GNA14: variants seen among roughly 807,000 people sequenced by gnomAD.
The protein encoded by GNA14 is G protein subunit alpha 14, also known as guanine nucleotide-binding protein subunit alpha-14.
In GNA14, 50 loss-of-function variants were observed where a neutral mutation model predicts 42.0. The ratio of observed to expected loss-of-function variants is 1.19; its 90% CI spans 0.95 to 1.51. The LOEUF (loss-of-function observed/expected upper bound fraction) is 1.51, where lower values mean the gene tolerates loss of function less well. GNA14 is among the 40% of genes most tolerant of loss of function. The pLI is 0.00. For missense variants in GNA14, 473 were observed against 446.2 expected, an observed-to-expected ratio of 1.06 and a Z score of -0.54; for synonymous variants, 173 against 163.1, an observed-to-expected ratio of 1.06 and a Z score of -0.46.
In GNA14 at chr9:77,623,921, C is replaced by A. The variant is rs933563803; in HGVS notation, c.124+23749G>T. 1.1e-4 allele frequency among the ~76,000 whole-genome samples: 16 copies of A among 152,238 alleles called. No individual in the cohort carries two copies. The South Asian group carries it at 2.3e-3, about 22-fold the overall frequency. ...GCCTGGAACGCCAGCGGCACAGAAC[C>A]GTTCACTCCCCTGGAAAAGGGGCTG... On this transcript the variant is annotated intron_variant, in intron 1 of 6. Transcript: ENST00000341700.
At position 77,533,551 on chromosome 9, in the gene GNA14, G is replaced by A. The variant is rs573047850; in HGVS notation, c.125-4298C>T. Reference sequence around the variant, plus strand: ...AACTGTCCTTTGTCATAAAATCAGCGGCAAGCTTCTGGGGAAGGCACCCTG... The same window carrying A: ...AACTGTCCTTTGTCATAAAATCAGCAGCAAGCTTCTGGGGAAGGCACCCTG... On this transcript the variant is annotated intron_variant, in intron 1 of 6. Coordinates refer to ENST00000341700, the MANE Select transcript of GNA14 (RefSeq NM_004297.4). 1.1e-4 allele frequency among the ~76,000 whole-genome samples: 17 copies of A among 152,232 alleles called. No individual in the cohort carries two copies. In the South Asian group the frequency reaches 2.9e-3, roughly 26 times the overall value.
At chr9:77,484,702 C>T (rs1425616157) in intron 2 of GNA14, among the ~76,000 whole-genome samples, 1 of 152,026 alleles carries the variant, frequency 6.6e-6, no homozygotes, top group Non-Finnish European at 1.5e-5. Context: ...GTACCAAGCC[C>T]TATATATACT....
chr9:77,627,910 A>G (rs59293577), intron 1 of GNA14, among the ~76,000 whole-genome samples: 1 of 152,156 alleles, frequency 6.6e-6, no homozygotes, highest in South Asian at 2.1e-4. Flanking sequence ...GGCAAGAGAA[A>G]GAAAAAAAGG....
chr9:77,638,848 A>C (rs1824218327), intron 1 of GNA14, among the ~76,000 whole-genome samples: 1 of 152,210 alleles, frequency 6.6e-6, no homozygotes, highest in Non-Finnish European at 1.5e-5. Flanking sequence ...CAAATGTTTA[A>C]CACCAGAGAC....
chr9:77,640,957 C>T (rs760184676), intron 1 of GNA14, among the ~76,000 whole-genome samples: 11 of 145,102 alleles, frequency 7.6e-5, no homozygotes, highest in Non-Finnish European at 1.3e-4. Flanking sequence ...TTGCACAAGT[C>T]GGGTATGATT....
rs185269335 is a variant in GNA14, at chr9:77,441,240, T to C, written c.310-6718A>G. Among the ~76,000 whole-genome samples the C allele has an allele frequency of 2.0e-5, 3 of 152,288 alleles. No homozygotes were observed. In the East Asian group the frequency reaches 5.8e-4, roughly 29 times the overall value. ...GACCTGGTGGGAGGTGATTGGATGA[T>C]GGGGGCGGTTTCTCCCATGCTGTTC... On this transcript the variant is annotated intron_variant, in intron 2 of 6. Transcript: ENST00000341700.
intron 1 of GNA14, among the ~76,000 whole-genome samples, chr9:77,577,354 G>C (rs1823144532): frequency 6.6e-6 from 1 of 152,138 alleles, no homozygotes; most frequent in African/African-American, 2.4e-5. Flanking sequence ...TGAAAGTTCA[G>C]AGCTTTACCA....
intron 2 of GNA14, among the ~76,000 whole-genome samples, chr9:77,464,351 A>ATG (rs35743834): frequency 0.031 from 4,467 of 144,688 alleles, 67 homozygotes; most frequent in African/African-American, 0.042. Context: ...GTGTGTGTAT[A>ATG]TGTGTGTGTG....
intron 5 of GNA14, among the ~76,000 whole-genome samples, chr9:77,426,611 G>C (rs1259617962): frequency 1.3e-5 from 2 of 152,180 alleles, no homozygotes; most frequent in African/African-American, 4.8e-5. Context: ...GCCTTGTTTA[G>C]AACATTCAAA....
chr9:77,440,788 T>C (rs1054407996), intron 2 of GNA14, among the ~76,000 whole-genome samples: 1 of 152,168 alleles, frequency 6.6e-6, no homozygotes, highest in African/African-American at 2.4e-5. Flanking sequence ...CAATCTCGGT[T>C]CACTGCAACC....
chr9:77,584,684 C>G (rs546556458), intron 1 of GNA14, among the ~76,000 whole-genome samples: 1 of 152,012 alleles, frequency 6.6e-6, no homozygotes, highest in Non-Finnish European at 1.5e-5. Context: ...AGGGTGAGTC[C>G]GTAGAGTAAA....
chr9:77,466,023 C>T (rs1269465814), intron 2 of GNA14, among the ~76,000 whole-genome samples: 2 of 152,118 alleles, frequency 1.3e-5, no homozygotes, highest in Non-Finnish European at 2.9e-5. Flanking sequence ...TATCTCTTGC[C>T]TCTTTCAAGA....
intron 2 of GNA14, among the ~76,000 whole-genome samples, chr9:77,435,306 G>A (rs1014566092): frequency 6.6e-5 from 10 of 151,966 alleles, no homozygotes; most frequent in Admixed American, 2.6e-4. Context: ...GCAGTGAGCC[G>A]AGATGGTGCC....
At chr9:77,545,452 G>A (rs1197572695) in intron 1 of GNA14, among the ~76,000 whole-genome samples, 1 of 152,126 alleles carries the variant, frequency 6.6e-6, no homozygotes, top group African/African-American at 2.4e-5. Flanking sequence ...TATGCAAATA[G>A]GTATACATTA....
chr9:77,529,026 G>A, intron 2 of GNA14, 43 bp downstream of exon 2: 3 of 1,510,832 alleles, frequency 2.0e-6, no homozygotes, highest in Non-Finnish European at 9.2e-7. Context: ...GAGTGGGCAG[G>A]CATACATTCA....
chr9:77,641,839 C>T lies in GNA14; in HGVS notation c.124+5831G>A, dbSNP rs118037546. ...GTACAGACCTTTCATAAGTGTACTG[C>T]GCTTATGTAAGAGATTATCCCTATT... On this transcript the variant is annotated intron_variant, in intron 1 of 6. Transcript: ENST00000341700. 1.0e-3 allele frequency among the ~76,000 whole-genome samples: 156 copies of T among 152,002 alleles called. 6 individuals are homozygous for T. The South Asian group carries it at 0.019, about 18-fold the overall frequency.
At chr9:77,588,695 G>T (rs1345434744) in intron 1 of GNA14, among the ~76,000 whole-genome samples, 4 of 152,190 alleles carry the variant, frequency 2.6e-5, no homozygotes, top group Non-Finnish European at 5.9e-5. Context: ...CATAAAAGTT[G>T]CTAATCCCCC....
At chr9:77,467,000 GGTGTGTGTGTGTGT>G (rs59321037) in intron 2 of GNA14, among the ~76,000 whole-genome samples, 17 of 143,506 alleles carry the variant, frequency 1.2e-4, no homozygotes, top group African/African-American at 3.1e-4. Context: ...TTTACCACTC[GGTGTGTGTGTGTGT>G]GTGTGTGTGT....
chr9:77,528,762 T>C (rs1837480725), intron 2 of GNA14, among the ~76,000 whole-genome samples: 1 of 152,050 alleles, frequency 6.6e-6, no homozygotes, highest in Admixed American at 6.6e-5. Flanking sequence ...ATTAACTGGG[T>C]CTCTTAGCGG....
Sources: allele counts gnomAD v4.1 joint callset (sites outside exome capture counted in the v4.1 genomes callset), GRCh38; gene constraint gnomAD v4.1.1; transcripts MANE v1.5; gene names NCBI Gene and HGNC (gene_info 2026-07-23, HGNC 2026-07-21).